DNAJB4: variants seen among roughly 807,000 people sequenced by gnomAD.
The protein encoded by DNAJB4 is DnaJ heat shock protein family (Hsp40) member B4.
In DNAJB4, 10 loss-of-function variants were observed where a neutral mutation model predicts 26.6. The observed-to-expected ratio is 0.38, with a 90% CI of 0.23 to 0.64. The LOEUF is 0.64. Among genes scored for constraint, DNAJB4 ranks in the 30% least tolerant of loss-of-function variants. The pLI, the probability that DNAJB4 is intolerant of heterozygous loss-of-function variation, is 0.58. For missense variants in DNAJB4, 328 were observed against 408.2 expected, an observed-to-expected ratio of 0.80 and a Z score of 1.69; for synonymous variants, 136 against 134.8, an observed-to-expected ratio of 1.01 and a Z score of -0.06.
chr1:78,008,194 A>G lies in DNAJB4; in HGVS notation c.211+2873A>G, dbSNP rs146645889. On this transcript the variant is annotated intron_variant, in intron 1 of 2. Transcript: ENST00000370763. ...ACATAGCAAGACCCTACCTCTAGAA[A>G]AAGCAAAGGAAAGAAAAAAAATACG... Among the ~76,000 whole-genome samples, 630 of 152,280 alleles carry G rather than the reference A, an allele frequency of 4.1e-3. 5 individuals carry two copies. Among genetic ancestry groups the G allele is most frequent in the Middle Eastern group, 0.02 (6 of 294 alleles).
intron 1 of DNAJB4, 90 bp downstream of exon 1, chr1:78,005,411 C>G (rs1316277655): frequency 1.8e-6 from 2 of 1,135,426 alleles, no homozygotes; most frequent in East Asian, 5.2e-5. Context: ...CCCTCTCTCT[C>G]AGCTTGTTAA....
chr1:77,991,823 G>A (rs1355798980), intron 1 of DNAJB4, among the ~76,000 whole-genome samples: 1 of 152,162 alleles, frequency 6.6e-6, no homozygotes, highest in African/African-American at 2.4e-5. Flanking sequence ...GCCTTACAGA[G>A]AAAATTCAGG....
At chr1:78,001,386 G>T (rs1249783614), upstream of DNAJB4, among the ~76,000 whole-genome samples, 2 of 151,538 alleles carry the variant, frequency 1.3e-5, no homozygotes, top group Non-Finnish European at 2.9e-5. Flanking sequence ...ACCCATTTAA[G>T]AATTAAATAT....
chr1:77,979,798 C>T (rs928653622), upstream of DNAJB4, among the ~76,000 whole-genome samples: 1 of 152,160 alleles, frequency 6.6e-6, no homozygotes, highest in Non-Finnish European at 1.5e-5. Flanking sequence ...TATCCAAAAA[C>T]GTGATTGTTC....
intron 1 of DNAJB4, among the ~76,000 whole-genome samples, chr1:77,980,897 A>G (rs753618594): frequency 6.6e-6 from 1 of 152,194 alleles, no homozygotes; most frequent in Non-Finnish European, 1.5e-5. Flanking sequence ...CATTTGAAAA[A>G]TCAGTGCACG....
At chr1:77,989,922 G>C (rs1659892576) in intron 1 of DNAJB4, among the ~76,000 whole-genome samples, 1 of 152,158 alleles carries the variant, frequency 6.6e-6, no homozygotes, top group Admixed American at 6.5e-5. Context: ...CTCCTTGGTG[G>C]ATATCTCCTT....
upstream of DNAJB4, chr1:77,979,349 C>T (rs1469714777): frequency 1.9e-5 from 5 of 264,282 alleles, no homozygotes; most frequent in Non-Finnish European, 1.5e-5. Flanking sequence ...CAGTTGACTG[C>T]GACTGTGTTT....
At chr1:77,996,257 C>A (rs1557504638) in intron 1 of DNAJB4, among the ~76,000 whole-genome samples, 1 of 152,030 alleles carries the variant, frequency 6.6e-6, no homozygotes, top group Non-Finnish European at 1.5e-5. Context: ...GGACCCAAGC[C>A]ATCCCCCTGC....
intron 2 of DNAJB4, 58 bp downstream of exon 2, chr1:78,013,677 AG>A: frequency 1.5e-6 from 2 of 1,300,260 alleles, no homozygotes; most frequent in Non-Finnish European, 2.1e-6. Flanking sequence ...GATCATAGGG[AG>A]TGTATCTAGA....
In DNAJB4 at chr1:78,006,135, C is replaced by T. The variant is rs529354745; in HGVS notation, c.211+814C>T. 1.1e-3 allele frequency among the ~76,000 whole-genome samples: 168 copies of T among 152,282 alleles called. 5 individuals are homozygous for T. The South Asian group carries it at 0.029, about 26-fold the overall frequency. On this transcript the variant is annotated intron_variant, in intron 1 of 2. Transcript: ENST00000370763. The stretch of plus-strand genomic sequence containing the variant: ...AAACATGACAACTTCCCTTTCCTCT[C>T]CCTGCCATACTTTTGTTTTTTGCAT...
intron 1 of DNAJB4, among the ~76,000 whole-genome samples, chr1:77,997,516 A>T (rs1322064471): frequency 6.6e-6 from 1 of 152,002 alleles, no homozygotes; most frequent in Non-Finnish European, 1.5e-5. Flanking sequence ...CATAAAAAAA[A>T]CTTCGAACAA....
upstream of DNAJB4, among the ~76,000 whole-genome samples, chr1:78,000,195 A>T (rs760362641): frequency 6.6e-6 from 1 of 152,146 alleles, no homozygotes; most frequent in Non-Finnish European, 1.5e-5. Context: ...TGCATATGGT[A>T]TAGTAATTTT....
chr1:77,997,581 A>G (rs578237596), intron 1 of DNAJB4, among the ~76,000 whole-genome samples: 14 of 152,178 alleles, frequency 9.2e-5, no homozygotes, highest in South Asian at 4.1e-4. Context: ...CCTAATTTGC[A>G]TGCATTAATC....
chr1:78,008,875 T>C (rs926287607), intron 1 of DNAJB4, among the ~76,000 whole-genome samples: 1 of 152,156 alleles, frequency 6.6e-6, no homozygotes, highest in Non-Finnish European at 1.5e-5. Context: ...TTAGTGGATG[T>C]CAACAAAAAT....
At chr1:78,008,980 G>A (rs1660399537) in intron 1 of DNAJB4, among the ~76,000 whole-genome samples, 1 of 151,782 alleles carries the variant, frequency 6.6e-6, no homozygotes, top group African/African-American at 2.4e-5. Context: ...TCCTTATTTT[G>A]TTATTGCATA....
intron 1 of DNAJB4, among the ~76,000 whole-genome samples, chr1:77,982,305 C>G (rs1191891136): frequency 1.3e-5 from 2 of 152,182 alleles, no homozygotes; most frequent in Non-Finnish European, 2.9e-5. Context: ...TGTTCTTATT[C>G]TCCCTTTTTT....
chr1:77,998,652 C>A (rs1030853829), intron 1 of DNAJB4, among the ~76,000 whole-genome samples: 1 of 152,064 alleles, frequency 6.6e-6, no homozygotes, highest in African/African-American at 2.4e-5. Context: ...CCAGCCTGGG[C>A]AACATGGCGA....
At chr1:77,990,811 C>T (rs1007663912) in intron 1 of DNAJB4, among the ~76,000 whole-genome samples, 2 of 152,192 alleles carry the variant, frequency 1.3e-5, no homozygotes, top group Non-Finnish European at 2.9e-5. Flanking sequence ...ACCTGTTGGT[C>T]TGGTTATATC....
intron 1 of DNAJB4, among the ~76,000 whole-genome samples, chr1:78,010,947 G>T (rs1198251971): frequency 6.6e-6 from 1 of 152,092 alleles, no homozygotes; most frequent in Admixed American, 6.5e-5. Flanking sequence ...CTGTATGCAT[G>T]AGCAGTGCAA....
Sources: gnomAD v4.1 joint callset for allele counts (sites outside exome capture counted in the v4.1 genomes callset) on GRCh38, gnomAD v4.1.1 for gene constraint, MANE v1.5 for transcripts, NCBI Gene and HGNC (gene_info 2026-07-23, HGNC 2026-07-21) for gene names.